HECTD4: variants seen among roughly 807,000 people sequenced by gnomAD.
The protein encoded by HECTD4 is HECT domain E3 ubiquitin protein ligase 4.
Under a neutral mutation model 471.5 loss-of-function variants are expected in HECTD4, and 114 were observed. The observed-to-expected ratio is 0.24, with a 90% CI of 0.21 to 0.28. HECTD4 has a LOEUF of 0.28. Among genes scored for constraint, HECTD4 ranks in the 10% least tolerant of loss-of-function variants. The pLI is 1.00. For synonymous variants in HECTD4, 2,012 were observed against 2,256.0 expected (o/e 0.89, Z 3.07); for missense variants, 3,866 against 5,651.5 (o/e 0.68, Z 10.13).
intron 62 of HECTD4, among the ~76,000 whole-genome samples, chr12:112,181,438 C>T (rs1012120943): frequency 2.6e-5 from 4 of 152,126 alleles, no homozygotes; most frequent in African/African-American, 9.7e-5. Context: ...CTGATCCTAC[C>T]TCTGAGGGAA....
intron 15 of HECTD4, 97 bp downstream of exon 15, chr12:112,265,781 A>G: frequency 2.4e-6 from 2 of 830,760 alleles, no homozygotes; most frequent in Non-Finnish European, 4.0e-6. Context: ...CGATCGTATT[A>G]GTTATAACAG....
At chr12:112,290,400 C>T (rs1016375575) in intron 7 of HECTD4, among the ~76,000 whole-genome samples, 1 of 151,950 alleles carries the variant, frequency 6.6e-6, no homozygotes, top group African/African-American at 2.4e-5. Context: ...TGGCGGGCGC[C>T]TGTGGTCCCA....
In HECTD4 at chr12:112,173,371, AT is replaced by A. The variant is rs1313802393; in HGVS notation, c.11595-511del. Among the ~76,000 whole-genome samples, 2 of 151,560 alleles carry A rather than the reference AT, an allele frequency of 1.3e-5. No individual in the cohort carries two copies. Among genetic ancestry groups the A allele is most frequent in the African/African-American group, 2.4e-5 (1 of 41,254 alleles). ...TTGCTTGCCTAATTTTAAAATTTTAATTTTTTAATTTTTTTATTTTTATTTA... is the reference window on the plus strand; with the variant it reads ...TTGCTTGCCTAATTTTAAAATTTTAATTTTTAATTTTTTTATTTTTATTTA... On this transcript the variant is annotated intron_variant, in intron 66 of 75. Transcript: ENST00000682272. The surrounding 1 kb of genome is among the most constrained non-coding windows in gnomAD (Gnocchi z 4.3).
chr12:112,319,694 G>A lies in HECTD4; in HGVS notation c.226C>T (p.Arg76Cys), dbSNP rs2035547655. 5.5e-6 allele frequency: 7 copies of A among 1,272,858 alleles called. No homozygotes were observed. The highest frequency in any genetic ancestry group is 3.0e-5 in the African/African-American group (2 of 65,826). 78.8% of individuals were successfully genotyped at this position (1,272,858 alleles called of 1,614,324 possible). A position where few individuals can be genotyped will look rare whatever the true frequency, so the allele number is the denominator to read the frequency against. The change falls in exon 2 of 76, where the codon CGC (arginine) becomes TGC (cysteine). Residue 76 changes from arginine to cysteine, a missense_variant. By Grantham distance (180) the Arg-to-Cys change is radical. Around this residue, in one of 16 missense-constraint regions of HECTD4, gnomAD observed 440 missense variants for 636.0 expected, o/e 0.69. Coordinates refer to ENST00000682272, the MANE Select transcript of HECTD4 (RefSeq NM_001388303.1). This position sits in a 1 kb window ranked among gnomAD's most constrained non-coding sequence, Gnocchi z 5.3. ...TTGCTCTGATTCCCACAAACAGAGCGCAAACGTTCTGCTAATTCCGACGGG... is the reference window on the plus strand; with the variant it reads ...TTGCTCTGATTCCCACAAACAGAGCACAAACGTTCTGCTAATTCCGACGGG... Reference protein sequence around the residue: ...KNPSELAERLRSVCGNQSNAY... With the variant: ...KNPSELAERLCSVCGNQSNAY...
At chr12:112,337,862 A>G (rs1447050506) in intron 1 of HECTD4, among the ~76,000 whole-genome samples, 1 of 152,220 alleles carries the variant, frequency 6.6e-6, no homozygotes, top group African/African-American at 2.4e-5. Flanking sequence ...TGTTGAAAGA[A>G]TGTGGAGCAA....
At chr12:112,266,453 G>C (rs1195310190) in intron 14 of HECTD4, among the ~76,000 whole-genome samples, 1 of 152,186 alleles carries the variant, frequency 6.6e-6, no homozygotes, top group African/African-American at 2.4e-5. Context: ...TTTCAATCTG[G>C]TTGAAGTGTA....
intron 48 of HECTD4, among the ~76,000 whole-genome samples, chr12:112,215,907 A>T (rs2032904497): frequency 6.6e-6 from 1 of 152,188 alleles, no homozygotes; most frequent in African/African-American, 2.4e-5. Context: ...TGCTGGAATT[A>T]TAGGCGTGAG....
rs577817087 is a variant in HECTD4, at chr12:112,366,707, C to T, written c.177+15245G>A. ...ACCAGCCTGGCCAACATGGTGAAAC[C>T]CCATCTCTACTAAAAATACAAAAAT... On this transcript the variant is annotated intron_variant, in intron 1 of 75. Transcript: ENST00000682272. Among the ~76,000 whole-genome samples, 362 of 151,278 alleles carry T rather than the reference C, an allele frequency of 2.4e-3. 1 individual carries two copies. The highest frequency in any genetic ancestry group is 7.1e-3 in the African/African-American group (292 of 41,234).
intron 24 of HECTD4, 41 bp from the exon 25 acceptor site, chr12:112,250,418 C>G (rs2033855083): frequency 7.1e-7 from 1 of 1,404,304 alleles, no homozygotes; most frequent in East Asian, 2.3e-5. Context: ...CCTCTCTCAA[C>G]AAGAGTATTG....
intron 68 of HECTD4, 169 bp from the exon 69 acceptor site, chr12:112,170,621 C>T: frequency 1.4e-6 from 1 of 732,160 alleles, no homozygotes; most frequent in Non-Finnish European, 2.2e-6. Context: ...CCAGCATATA[C>T]CCTTTGTCAT....
intron 49 of HECTD4, among the ~76,000 whole-genome samples, chr12:112,211,291 T>C (rs1343166474): frequency 2.6e-5 from 4 of 152,026 alleles, no homozygotes; most frequent in East Asian, 3.9e-4. Context: ...TCATAACGCA[T>C]TGCAGCCTGG....
chr12:112,193,750 T>TGAATAACC lies in HECTD4; in HGVS notation c.8750-84_8750-77dup, dbSNP rs1265018644. On this transcript the variant is annotated intron_variant, in intron 56 of 75. Coordinates refer to ENST00000682272, the MANE Select transcript of HECTD4 (RefSeq NM_001388303.1). This position sits in a 1 kb window ranked among gnomAD's most constrained non-coding sequence, Gnocchi z 5.2. ...CTGTGAGAGTCTAAGTAACAGAAAA[T>TGAATAACC]GAATAACCCATCCAGAAACCCCAGA... is the stretch of plus-strand genomic sequence containing the variant. 1.0e-4 allele frequency: 136 copies of TGAATAACC among 1,338,588 alleles called. No homozygotes were observed. In the African/African-American group the frequency reaches 1.6e-3, roughly 16 times the overall value. 82.9% of individuals were successfully genotyped at this position (1,338,588 alleles called of 1,614,324 possible). A position where few individuals can be genotyped will look rare whatever the true frequency, so the allele number is the denominator to read the frequency against.
At chr12:112,180,295 C>T (rs1053649342) in intron 62 of HECTD4, among the ~76,000 whole-genome samples, 1 of 152,192 alleles carries the variant, frequency 6.6e-6, no homozygotes, top group African/African-American at 2.4e-5. Context: ...CACCTGTAAT[C>T]CCAGCACTTT....
At chr12:112,180,542 A>AAAC (rs938994675) in intron 62 of HECTD4, among the ~76,000 whole-genome samples, 3 of 151,630 alleles carry the variant, frequency 2.0e-5, no homozygotes, top group Non-Finnish European at 2.9e-5. Flanking sequence ...AAAAAAAAAA[A>AAAC]AACAACAACA....
chr12:112,183,627 C>T (rs965294412), intron 61 of HECTD4, among the ~76,000 whole-genome samples: 3 of 152,188 alleles, frequency 2.0e-5, no homozygotes, highest in Non-Finnish European at 4.4e-5. Flanking sequence ...ATCCTTCAAC[C>T]CTCCTTGCAG....
At chr12:112,164,052 C>T (rs1399051276) in intron 73 of HECTD4, 57 bp downstream of exon 73, 5 of 1,377,110 alleles carry the variant, frequency 3.6e-6, no homozygotes, top group Admixed American at 3.0e-5. Context: ...TGCTGTCATA[C>T]CCTGGCTGGC....
chr12:112,235,850 G>A lies in HECTD4; in HGVS notation c.5445-66C>T. ...TTGATCTATAGACATTCAGAAGCAA[G>A]AGTTCTCTGAATGAAACAAACCAAT... On this transcript the variant is annotated intron_variant, in intron 35 of 75. Coordinates refer to ENST00000682272, the MANE Select transcript of HECTD4 (RefSeq NM_001388303.1). The surrounding 1 kb of genome is among the most constrained non-coding windows in gnomAD (Gnocchi z 5.0). The A allele has an allele frequency of 3.0e-6, 4 of 1,342,988 alleles. No individual in the cohort carries two copies. The highest frequency in any genetic ancestry group is 4.1e-6 in the Non-Finnish European group (4 of 986,902). 83.2% of individuals were successfully genotyped at this position (1,342,988 alleles called of 1,614,324 possible). A position where few individuals can be genotyped will look rare whatever the true frequency, so the allele number is the denominator to read the frequency against.
In HECTD4 at chr12:112,172,822, T is replaced by C; in HGVS notation, c.11634A>G (p.Ser3878=). 1 of 1,614,012 alleles carries C rather than the reference T, an allele frequency of 6.2e-7. No individual in the cohort carries two copies. Among genetic ancestry groups the C allele is most frequent in the Non-Finnish European group, 8.5e-7 (1 of 1,179,896 alleles). The stretch of plus-strand genomic sequence containing the variant: ...CGTCCATCTCCAGGGTCCACTTTCT[T>C]GAGGCCTTCTGTGCATGTCGGACAT... ...CIDVRHAQKA[S]RKWTLEMDVA... The change falls in exon 67 of 76, where the codon TCA becomes TCG. Residue 3878 remains serine (S), a synonymous_variant. Coordinates refer to ENST00000682272, the MANE Select transcript of HECTD4 (RefSeq NM_001388303.1).
chr12:112,340,967 C>T (rs968765780), intron 1 of HECTD4, among the ~76,000 whole-genome samples: 2 of 152,270 alleles, frequency 1.3e-5, no homozygotes, highest in African/African-American at 4.8e-5. Flanking sequence ...TGAAATGAGG[C>T]ACAAAACACA....
Sources: allele counts gnomAD v4.1 joint callset (sites outside exome capture counted in the v4.1 genomes callset), GRCh38; gene constraint gnomAD v4.1.1; regional missense constraint gnomAD v4.1.1; non-coding constraint Gnocchi (gnomAD v3.1); transcripts MANE v1.5; gene names NCBI Gene and HGNC (gene_info 2026-07-23, HGNC 2026-07-21).